The following ERICH1 variants were observed in gnomAD, a reference collection of about 807,000 sequenced individuals.
ERICH1 encodes glutamate-rich protein 1.
ERICH1 carries 56 observed loss-of-function variants against 39.6 expected under a neutral mutation model. The observed-to-expected ratio is 1.41, with a 90% CI of 1.14 to 1.77. The LOEUF is 1.77. ERICH1 is among the 40% of genes most tolerant of loss of function. ERICH1 has a pLI of 0.00. For missense variants in ERICH1, 826 were observed against 575.4 expected (o/e 1.44, Z -4.45); for synonymous variants, 313 against 223.6 (o/e 1.40, Z -3.57).
chr8:673,387 C>T lies in ERICH1; in HGVS notation c.965G>A (p.Gly322Asp). 1.2e-6 allele frequency: 2 copies of T among 1,614,098 alleles called. No individual in the cohort carries two copies. Among genetic ancestry groups the T allele is most frequent in the Non-Finnish European group, 8.5e-7 (1 of 1,179,996 alleles). The stretch of plus-strand genomic sequence containing the variant: ...ATCATCTTCCTCGCTGGCGTCTGCA[C>T]CGTCCTCCTCCCCGGAGTCTGCACC... The part of the protein sequence containing the change: ...EEGADSGEED[G>D]ADASEEDDTI... Residue 322 changes from glycine (G) to aspartate (D), a missense_variant, in exon 4 of 6, where the codon GGT becomes GAT. Physicochemically the swap from Gly to Asp is moderately conservative, Grantham distance 94. Coordinates refer to ENST00000262109, the MANE Select transcript of ERICH1 (RefSeq NM_207332.3).
exon 4 of ERICH1, chr8:615,166 G>C (rs992761348): frequency 1.1e-4 from 69 of 632,258 alleles, no homozygotes; most frequent in African/African-American, 6.4e-4. Context: ...ATCACACAAA[G>C]TCGAAAGTAG....
At position 673,723 on chromosome 8, in the gene ERICH1, C is replaced by G. The variant is rs771529361; in HGVS notation, c.629G>C (p.Gly210Ala). 2 of 1,614,174 alleles carry G rather than the reference C, an allele frequency of 1.2e-6. No homozygotes were observed. Among genetic ancestry groups the G allele is most frequent in the African/African-American group, 1.3e-5 (1 of 75,056 alleles). The change falls in exon 4 of 6, where the codon GGT becomes GCT. Residue 210 changes from glycine (G) to alanine (A), a missense_variant. Coordinates refer to ENST00000262109, the MANE Select transcript of ERICH1 (RefSeq NM_207332.3). ...CGGGTCTTCCTCGCTGGTGTCCACA[C>G]CATCCTCCTCACAAGCCTCTCCCAC... ...EGVGEACEED[G>A]VDTSEEDPTL... is the part of the protein sequence containing the mutation.
At chr8:729,118 A>T (rs1393895899) in intron 1 of ERICH1, among the ~76,000 whole-genome samples, 1 of 152,192 alleles carries the variant, frequency 6.6e-6, no homozygotes, top group Non-Finnish European at 1.5e-5. Context: ...AGGGAGGGAT[A>T]CCGTGCCTGA....
intron 3 of ERICH1, among the ~76,000 whole-genome samples, chr8:631,298 T>A (rs968643438): frequency 6.6e-6 from 1 of 152,156 alleles, no homozygotes; most frequent in African/African-American, 2.4e-5. Context: ...TCTGTGAGTG[T>A]GAAAGTGTCA....
intron 1 of ERICH1, among the ~76,000 whole-genome samples, chr8:719,986 T>C (rs1366469210): frequency 6.6e-6 from 1 of 151,990 alleles, no homozygotes; most frequent in Non-Finnish European, 1.5e-5. Context: ...GCTCATCTTG[T>C]ATTTTCTCTG....
At chr8:635,271 G>C (rs1383838657) in intron 3 of ERICH1, among the ~76,000 whole-genome samples, 1 of 152,192 alleles carries the variant, frequency 6.6e-6, no homozygotes, top group African/African-American at 2.4e-5. Flanking sequence ...AGTTGCGTCA[G>C]GTCCATAGAG....
intron 3 of ERICH1, among the ~76,000 whole-genome samples, chr8:687,395 G>C (rs892793580): frequency 1.3e-5 from 2 of 152,234 alleles, no homozygotes; most frequent in Non-Finnish European, 2.9e-5. Context: ...AAGGCTCCTC[G>C]GGGAATAAAA....
At chr8:718,726 C>T (rs762533761) in intron 1 of ERICH1, among the ~76,000 whole-genome samples, 2 of 152,204 alleles carry the variant, frequency 1.3e-5, no homozygotes, top group Non-Finnish European at 2.9e-5. Flanking sequence ...AGCCTCACGA[C>T]CTGAAAGCCA....
At chr8:717,209 C>G (rs1027069602) in intron 1 of ERICH1, among the ~76,000 whole-genome samples, 4 of 152,138 alleles carry the variant, frequency 2.6e-5, no homozygotes, top group Non-Finnish European at 1.5e-5. Context: ...TGAACTGAAA[C>G]GATGTGATCC....
chr8:643,492 T>C (rs1378117354), intron 3 of ERICH1, among the ~76,000 whole-genome samples: 1 of 152,160 alleles, frequency 6.6e-6, no homozygotes. Context: ...TGGGGGGCAC[T>C]GATGGTCACC....
Position 715,842 on chromosome 8 carries a change from C to T in ERICH1, c.169+19G>A. On this transcript the variant is annotated intron_variant, in intron 2 of 5. Transcript: ENST00000262109. ...AACTTCAGTTTCTGAGACCCACCCA[C>T]ATCTGCAGACAAACTCACCTGTCAA... 3 of 1,600,624 alleles carry T rather than the reference C, an allele frequency of 1.9e-6. No homozygotes were observed. The highest frequency in any genetic ancestry group is 1.3e-5 in the African/African-American group (1 of 74,192).
intron 3 of ERICH1, among the ~76,000 whole-genome samples, chr8:675,899 CG>C (rs1160884391): frequency 4.1e-5 from 1 of 24,270 alleles, no homozygotes; most frequent in African/African-American, 2.6e-4. Context: ...GCCCCCTCGG[CG>C]AGGACAGAGA....
intron 3 of ERICH1, among the ~76,000 whole-genome samples, chr8:679,044 CT>C (rs1379040337): frequency 6.6e-6 from 1 of 150,928 alleles, no homozygotes; most frequent in Non-Finnish European, 1.5e-5. Context: ...GCTCCCATCC[CT>C]CAGCAGTGAC....
chr8:652,796 G>A (rs1011504675), intron 3 of ERICH1, among the ~76,000 whole-genome samples: 1 of 152,182 alleles, frequency 6.6e-6, no homozygotes, highest in Non-Finnish European at 1.5e-5. Context: ...CACGGGACCG[G>A]AATGGAAATT....
chr8:622,434 G>A (rs570706615), intron 3 of ERICH1, among the ~76,000 whole-genome samples: 53 of 152,256 alleles, frequency 3.5e-4, no homozygotes, highest in South Asian at 3.1e-3. Context: ...CTTCTGCTAC[G>A]TTGAGGATGC....
At chr8:656,784 T>C (rs868583799) in intron 3 of ERICH1, 2 of 985,344 alleles carry the variant, frequency 2.0e-6, no homozygotes, top group Non-Finnish European at 2.4e-6. Context: ...TGCACAGCAG[T>C]GGTTCCCAGA....
intron 3 of ERICH1, chr8:615,550 G>C (rs536062051): frequency 2.6e-6 from 1 of 383,516 alleles, no homozygotes; most frequent in South Asian, 6.4e-5. Flanking sequence ...TGATTACGGA[G>C]GTGATGGCTG....
At chr8:697,200 G>A (rs916567060) in intron 2 of ERICH1, among the ~76,000 whole-genome samples, 2 of 152,126 alleles carry the variant, frequency 1.3e-5, no homozygotes, top group East Asian at 1.9e-4. Flanking sequence ...TTCACCCATG[G>A]CCTGTCTTGG....
chr8:701,315 G>T lies in ERICH1; in HGVS notation c.170-8703C>A, dbSNP rs184799060. ...GGACGGGAGCACGCCATACCTACGG[G>T]TCTGCCCTGCTGGACGGGAGCACGC... On this transcript the variant is annotated intron_variant, in intron 2 of 5. Coordinates refer to ENST00000262109, the MANE Select transcript of ERICH1 (RefSeq NM_207332.3). 6.6e-4 allele frequency among the ~76,000 whole-genome samples: 100 copies of T among 152,036 alleles called. 1 individual carries two copies. In the East Asian group the frequency reaches 0.019, roughly 28 times the overall value.
Sources: gnomAD v4.1 joint callset for allele counts (sites outside exome capture counted in the v4.1 genomes callset) on GRCh38, gnomAD v4.1.1 for gene constraint, MANE v1.5 for transcripts, NCBI Gene and HGNC (gene_info 2026-07-23, HGNC 2026-07-21) for gene names.